The following IKZF1 variants were observed in gnomAD, a reference collection of about 807,000 sequenced individuals.
IKZF1 encodes DNA-binding protein Ikaros.
Under a neutral mutation model 51.7 loss-of-function variants are expected in IKZF1, and 10 were observed. That is an observed-to-expected ratio of 0.19 (90% CI 0.12 to 0.33). The LOEUF (loss-of-function observed/expected upper bound fraction) is 0.33. IKZF1 is among the 10% of genes least tolerant of loss of function. The pLI, the probability that IKZF1 is intolerant of heterozygous loss-of-function variation, is 1.00. For synonymous variants in IKZF1, 280 were observed against 282.3 expected (o/e 0.99, Z 0.08); for missense variants, 484 against 707.5 (o/e 0.68, Z 3.58).
At position 50,396,963 on chromosome 7, in the gene IKZF1, C is replaced by T. The variant is rs535391541; in HGVS notation, c.851-2955C>T. Among the ~76,000 whole-genome samples the T allele has an allele frequency of 7.5e-4, 114 of 152,300 alleles. 1 individual carries two copies. The highest frequency in any genetic ancestry group is 2.6e-3 in the African/African-American group (110 of 41,550). On this transcript the variant is annotated intron_variant, in intron 7 of 7. Transcript: ENST00000331340. ...GACTTTGCTTCTGTCCCAGGGAGCC[C>T]GCAGGGGCTCACTTCTCCATGTTCA...
intron 1 of IKZF1, among the ~76,000 whole-genome samples, chr7:50,316,583 G>C (rs1037708954): frequency 5.3e-5 from 8 of 152,240 alleles, no homozygotes; most frequent in African/African-American, 1.7e-4. Context: ...CCAGGAGACT[G>C]GTGCGGGGAC....
At chr7:50,313,833 A>G (rs1320148151) in intron 1 of IKZF1, among the ~76,000 whole-genome samples, 1 of 152,258 alleles carries the variant, frequency 6.6e-6, no homozygotes, top group Middle Eastern at 3.2e-3. Context: ...GCTCAAATAA[A>G]CAAGTGGACA....
intron 3 of IKZF1, among the ~76,000 whole-genome samples, chr7:50,350,946 G>A (rs1344502809): frequency 6.6e-6 from 1 of 152,192 alleles, no homozygotes; most frequent in African/African-American, 2.4e-5. Context: ...TCTGTATTTA[G>A]CAATTTAAGA....
At chr7:50,312,641 G>T (rs1288748555) in intron 1 of IKZF1, among the ~76,000 whole-genome samples, 1 of 152,202 alleles carries the variant, frequency 6.6e-6, no homozygotes, top group East Asian at 1.9e-4. Context: ...TCTTTACCAA[G>T]AAAACATTCA....
chr7:50,346,123 C>T (rs1385526754), intron 3 of IKZF1, among the ~76,000 whole-genome samples: 1 of 152,146 alleles, frequency 6.6e-6, no homozygotes, highest in East Asian at 1.9e-4. Context: ...TTCATCCCAC[C>T]CCCGCTGCCC....
At chr7:50,322,677 T>C (rs1229341154) in intron 2 of IKZF1, among the ~76,000 whole-genome samples, 1 of 152,230 alleles carries the variant, frequency 6.6e-6, no homozygotes, top group Non-Finnish European at 1.5e-5. Context: ...AAAATACGTG[T>C]TATACCTATG....
intron 3 of IKZF1, among the ~76,000 whole-genome samples, chr7:50,347,837 C>T (rs1198874418): frequency 1.3e-5 from 2 of 152,126 alleles, no homozygotes. Flanking sequence ...GAAAGGGAAA[C>T]CAGGGAGAAA....
At chr7:50,305,687 C>A (rs1788612839) in intron 1 of IKZF1, among the ~76,000 whole-genome samples, 1 of 152,138 alleles carries the variant, frequency 6.6e-6, no homozygotes, top group Admixed American at 6.5e-5. Flanking sequence ...GTTACCCACT[C>A]ACAATTTCCC....
chr7:50,396,651 A>G (rs1816786576), intron 7 of IKZF1, among the ~76,000 whole-genome samples: 2 of 152,122 alleles, frequency 1.3e-5, no homozygotes, highest in South Asian at 4.1e-4. Flanking sequence ...TTGGTCTGAT[A>G]TAGCTTGATT....
At chr7:50,392,184 G>T (rs1815294387) in intron 7 of IKZF1, among the ~76,000 whole-genome samples, 2 of 152,288 alleles carry the variant, frequency 1.3e-5, no homozygotes, top group African/African-American at 4.8e-5. Context: ...TCGTCCGGGG[G>T]ACACCACACT....
At chr7:50,339,215 TTGTGTGTGTGTGTG>T (rs1158908841) in intron 3 of IKZF1, among the ~76,000 whole-genome samples, 93 of 126,480 alleles carry the variant, frequency 7.4e-4, no homozygotes, top group African/African-American at 2.5e-3. Context: ...TTGGGTAGGG[TTGTGTGTGTGTGTG>T]TGTGTGTGTG....
At chr7:50,368,972 A>G in intron 3 of IKZF1, 1 of 222,144 alleles carries the variant, frequency 4.5e-6, no homozygotes. Flanking sequence ...TGTCTAAGGA[A>G]TTTAACAGTA....
At chr7:50,324,297 A>G (rs1471539815) in intron 2 of IKZF1, among the ~76,000 whole-genome samples, 1 of 152,166 alleles carries the variant, frequency 6.6e-6, no homozygotes, top group Non-Finnish European at 1.5e-5. Context: ...CCGGACTTAC[A>G]CTTTGGGGCT....
chr7:50,311,001 CT>C (rs1790032000), intron 1 of IKZF1, among the ~76,000 whole-genome samples: 1 of 152,188 alleles, frequency 6.6e-6, no homozygotes, highest in Non-Finnish European at 1.5e-5. Flanking sequence ...ATTCCATATA[CT>C]GTGGGTATAG....
At chr7:50,343,395 C>T (rs1799566570) in intron 3 of IKZF1, among the ~76,000 whole-genome samples, 1 of 151,968 alleles carries the variant, frequency 6.6e-6, no homozygotes, top group African/African-American at 2.4e-5. Flanking sequence ...CAGGAGTAAA[C>T]TTTTCTACAA....
chr7:50,345,775 C>A (rs188662436), intron 3 of IKZF1, among the ~76,000 whole-genome samples: 1 of 152,178 alleles, frequency 6.6e-6, no homozygotes, highest in Middle Eastern at 3.2e-3. Flanking sequence ...TTGTGGCTCA[C>A]GCCTGTAATC....
intron 5 of IKZF1, among the ~76,000 whole-genome samples, chr7:50,383,455 A>T (rs1034865696): frequency 6.6e-6 from 1 of 152,190 alleles, no homozygotes; most frequent in Non-Finnish European, 1.5e-5. Context: ...TGGGTGTTTC[A>T]TTATCCAGCA....
At chr7:50,316,989 T>C (rs952611171) in intron 1 of IKZF1, among the ~76,000 whole-genome samples, 1 of 152,238 alleles carries the variant, frequency 6.6e-6, no homozygotes, top group Non-Finnish European at 1.5e-5. Context: ...ATGTGTGGTA[T>C]TAAATTAAAA....
rs920098876 is a variant in IKZF1, at chr7:50,402,090, G to A, written c.*1463G>A. On this transcript the variant is annotated 3_prime_UTR_variant, in exon 8 of 8. Transcript: ENST00000331340. ...CTATGACATGGAGGCACTGAAGCCC[G>A]AGGAAGGTGTGTGGAGATTCTAATC... is the stretch of plus-strand genomic sequence containing the variant. The A allele has an allele frequency of 1.3e-5, 3 of 230,684 alleles. No individual in the cohort carries two copies. Among genetic ancestry groups the A allele is most frequent in the East Asian group, 6.1e-5 (1 of 16,406 alleles). 14.3% of individuals were successfully genotyped at this position (230,684 alleles called of 1,614,324 possible).
Sources: allele counts gnomAD v4.1 joint callset (sites outside exome capture counted in the v4.1 genomes callset), GRCh38; gene constraint gnomAD v4.1.1; transcripts MANE v1.5; gene names NCBI Gene and HGNC (gene_info 2026-07-23, HGNC 2026-07-21).